The following YWHAH variants were observed in gnomAD, a reference collection of about 807,000 sequenced individuals.
YWHAH encodes tyrosine 3-monooxygenase/tryptophan 5-monooxygenase activation protein eta, also known as 14-3-3 protein eta.
Under a neutral mutation model 22.9 loss-of-function variants are expected in YWHAH, and 6 were observed. The observed-to-expected ratio is 0.26, with a 90% CI of 0.14 to 0.52. The LOEUF is 0.52. Among genes scored for constraint, YWHAH ranks in the 20% least tolerant of loss-of-function variants. The pLI, the probability that YWHAH is intolerant of heterozygous loss-of-function variation, is 0.97. For synonymous variants in YWHAH, 135 were observed against 124.5 expected (o/e 1.08, Z -0.56); for missense variants, 173 against 308.6 (o/e 0.56, Z 3.29).
At chr22:31,945,150 G>A in intron 1 of YWHAH, 1 of 1,083,506 alleles carries the variant, frequency 9.2e-7, no homozygotes, top group Non-Finnish European at 1.1e-6. Flanking sequence ...CGAAGGAGCC[G>A]CATTTCTCCT....
intron 1 of YWHAH, among the ~76,000 whole-genome samples, chr22:31,947,206 G>GGCA (rs2093836213): frequency 6.6e-6 from 1 of 152,144 alleles, no homozygotes; most frequent in Non-Finnish European, 1.5e-5. Context: ...GCTGGGGAAG[G>GGCA]GCAGGTAAGT....
At position 31,956,935 on chromosome 22, in the gene YWHAH, G is replaced by A; in HGVS notation, c.*143G>A. 9.1e-7 allele frequency: 1 copy of A among 1,104,128 alleles called. No individual in the cohort carries two copies. The highest frequency in any genetic ancestry group is 1.3e-6 in the Non-Finnish European group (1 of 796,572). The allele number at this position is 1,104,128 out of a possible 1,614,324, so 68.4% of individuals were successfully genotyped here. A position where few individuals can be genotyped will look rare whatever the true frequency, so the allele number is the denominator to read the frequency against. ...CTCAGATCTGCACTCCTGTCTCTTGGGAAGCAGTTTCAGATAAATCATGGG... is the reference window on the plus strand; with the variant it reads ...CTCAGATCTGCACTCCTGTCTCTTGAGAAGCAGTTTCAGATAAATCATGGG... On this transcript the variant is annotated 3_prime_UTR_variant, in exon 2 of 2. Transcript: ENST00000248975. The surrounding 1 kb of genome is among the most constrained non-coding windows in gnomAD (Gnocchi z 5.1).
rs1023166836 is a variant in YWHAH, at chr22:31,956,065, T to C, written c.88-74T>C. 2 of 1,497,908 alleles carry C rather than the reference T, an allele frequency of 1.3e-6. No individual in the cohort carries two copies. The highest frequency in any genetic ancestry group is 2.3e-5 in the East Asian group (1 of 44,138). The allele number at this position is 1,497,908 out of a possible 1,614,324, so 92.8% of individuals were successfully genotyped here. ...TCCGTTCTTGAGAAGGATTGTTGATTATGTTGAAGGGAAGGCTTCTTACCA... is the reference window on the plus strand; with the variant it reads ...TCCGTTCTTGAGAAGGATTGTTGATCATGTTGAAGGGAAGGCTTCTTACCA... On this transcript the variant is annotated intron_variant, in intron 1 of 1. Transcript: ENST00000248975. The surrounding 1 kb of genome is among the most constrained non-coding windows in gnomAD (Gnocchi z 5.1).
At chr22:31,948,950 C>A (rs1939840518) in intron 1 of YWHAH, among the ~76,000 whole-genome samples, 1 of 152,094 alleles carries the variant, frequency 6.6e-6, no homozygotes, top group Admixed American at 6.5e-5. Context: ...GGAACTGACT[C>A]CCTTAAAGAA....
Position 31,944,600 on chromosome 22 carries a change from A to G in YWHAH, c.-134A>G, listed in dbSNP as rs865907627. ...GCGCTGCCTGCAGCCTGCAGCCTGC[A>G]GCCTCCGGCCGGCCGGCGAGCCAGT... is the stretch of plus-strand genomic sequence containing the variant. On this transcript the variant is annotated 5_prime_UTR_variant, in exon 1 of 2. Transcript: ENST00000248975. 1.1e-5 allele frequency: 5 copies of G among 474,948 alleles called. No individual in the cohort carries two copies. The highest frequency in any genetic ancestry group is 5.7e-5 in the Admixed American group (1 of 17,664). The allele number at this position is 474,948 out of a possible 1,614,324, so 29.4% of individuals were successfully genotyped here. A position where few individuals can be genotyped will look rare whatever the true frequency, so the allele number is the denominator to read the frequency against.
intron 1 of YWHAH, among the ~76,000 whole-genome samples, chr22:31,948,838 G>A (rs2093838729): frequency 1.3e-5 from 2 of 152,200 alleles, no homozygotes; most frequent in South Asian, 4.1e-4. Context: ...GTCCTTTCAG[G>A]TGGGCAAACA....
At chr22:31,944,855 G>T (rs1401649286) in intron 1 of YWHAH, 35 bp downstream of exon 1, 2 of 1,325,052 alleles carry the variant, frequency 1.5e-6, no homozygotes, top group Non-Finnish European at 1.9e-6. Context: ...GCTGGCCGGG[G>T]GGGGCCTGGC....
chr22:31,945,694 C>G, intron 1 of YWHAH: 1 of 1,243,634 alleles, frequency 8.0e-7, no homozygotes, highest in South Asian at 1.4e-5. Flanking sequence ...TGAATATTTC[C>G]TCTCCCTGCG....
chr22:31,944,749 C>G lies in YWHAH; in HGVS notation c.16C>G (p.Gln6Glu). Residue 6 changes from glutamine (Q) to glutamate (E), a missense_variant, in exon 1 of 2, where the codon CAG becomes GAG. Coordinates refer to ENST00000248975, the MANE Select transcript of YWHAH (RefSeq NM_003405.4). ...CGCGAGCGACATGGGGGACCGGGAG[C>G]AGCTGCTGCAGCGGGCGCGGCTGGC... The part of the protein sequence containing the change: MGDRE[Q>E]LLQRARLAEQ... 7.1e-7 allele frequency: 1 copy of G among 1,415,402 alleles called. No individual in the cohort carries two copies. Among genetic ancestry groups the G allele is most frequent in the Non-Finnish European group, 9.3e-7 (1 of 1,078,238 alleles). The allele number at this position is 1,415,402 out of a possible 1,614,324, so 87.7% of individuals were successfully genotyped here.
In YWHAH at chr22:31,956,350, T is replaced by C. The variant is rs1196036662; in HGVS notation, c.299T>C (p.Val100Ala). ...EKELETVCND[V>A]LSLLDKFLIK... is the part of the protein sequence containing the mutation. ...GAGCTGGAGACAGTTTGCAATGATG[T>C]CCTGTCTCTGCTTGACAAGTTCCTG... is the stretch of plus-strand genomic sequence containing the variant. The change falls in exon 2 of 2, where the codon GTC becomes GCC. Residue 100 changes from valine (V) to alanine (A), a missense_variant. Physicochemically the swap from Val to Ala is moderately conservative, Grantham distance 64 (BLOSUM62 0). Transcript: ENST00000248975. The surrounding 1 kb of genome is among the most constrained non-coding windows in gnomAD (Gnocchi z 5.1). The C allele has an allele frequency of 1.4e-5, 23 of 1,614,148 alleles. No individual in the cohort carries two copies. Among genetic ancestry groups the C allele is most frequent in the Non-Finnish European group, 1.9e-5 (23 of 1,180,028 alleles).
intron 1 of YWHAH, among the ~76,000 whole-genome samples, chr22:31,950,765 A>T (rs1024057975): frequency 2.6e-5 from 4 of 152,116 alleles, no homozygotes; most frequent in Admixed American, 2.0e-4. Context: ...CTGGCTGGTG[A>T]TGTTCTTGCC....
At chr22:31,956,000 G>A in intron 1 of YWHAH, 139 bp from the exon 2 acceptor site, 2 of 905,722 alleles carry the variant, frequency 2.2e-6, no homozygotes, top group Non-Finnish European at 1.7e-6. Context: ...TTTATCCATG[G>A]GTGGTTTTTA....
At chr22:31,944,865 CGTTGGGGAGGGACGGGG>C in intron 1 of YWHAH, 45 bp downstream of exon 1, 2 of 1,295,774 alleles carry the variant, frequency 1.5e-6, no homozygotes, top group Non-Finnish European at 2.0e-6. Flanking sequence ...GGGGGCCTGG[CGTTGGGGAGGGACGGGG>C]ATGGCCGCGG....
At chr22:31,945,551 C>T (rs912548410) in intron 1 of YWHAH, 4 of 1,304,018 alleles carry the variant, frequency 3.1e-6, no homozygotes, top group Non-Finnish European at 4.0e-6. Flanking sequence ...TAAATCGATT[C>T]TGCAGCTTCT....
chr22:31,950,521 G>A, intron 1 of YWHAH: 2 of 638,494 alleles, frequency 3.1e-6, no homozygotes, highest in South Asian at 3.8e-5. Context: ...ATGCCATTCA[G>A]ATGGTGTTGT....
intron 1 of YWHAH, chr22:31,945,575 C>T (rs757999326): frequency 7.7e-7 from 1 of 1,303,912 alleles, no homozygotes; most frequent in Non-Finnish European, 1.0e-6. Flanking sequence ...GTGGATGAGT[C>T]GTGCCCAGCC....
At position 31,944,653 on chromosome 22, in the gene YWHAH, C is replaced by G. The variant is rs2093830427; in HGVS notation, c.-81C>G. The G allele has an allele frequency of 2.7e-6, 3 of 1,111,222 alleles. No individual in the cohort carries two copies. The highest frequency in any genetic ancestry group is 1.6e-5 in the African/African-American group (1 of 60,706). 68.8% of individuals were successfully genotyped at this position (1,111,222 alleles called of 1,614,324 possible). A position where few individuals can be genotyped will look rare whatever the true frequency, so the allele number is the denominator to read the frequency against. ...GCGTGCGCGGCGGCGGCCTCCGCAGCGACCGGGGAGCGGACTGACCGGCGG... is the reference window on the plus strand; with the variant it reads ...GCGTGCGCGGCGGCGGCCTCCGCAGGGACCGGGGAGCGGACTGACCGGCGG... On this transcript the variant is annotated 5_prime_UTR_variant, in exon 1 of 2. Transcript: ENST00000248975.
chr22:31,953,619 G>T (rs1227300675), intron 1 of YWHAH, among the ~76,000 whole-genome samples: 4 of 152,192 alleles, frequency 2.6e-5, no homozygotes, highest in Non-Finnish European at 4.4e-5. Flanking sequence ...TGGGGTTATA[G>T]GTGTTCAGCT....
chr22:31,951,518 C>T (rs780522760), intron 1 of YWHAH, among the ~76,000 whole-genome samples: 8 of 152,072 alleles, frequency 5.3e-5, no homozygotes, highest in Non-Finnish European at 1.2e-4. Context: ...TTGGATGTTT[C>T]CCAGATTGAG....
Sources: gnomAD v4.1 joint callset for allele counts (sites outside exome capture counted in the v4.1 genomes callset) on GRCh38, gnomAD v4.1.1 for gene constraint, Gnocchi (gnomAD v3.1) non-coding constraint, MANE v1.5 for transcripts, NCBI Gene and HGNC (gene_info 2026-07-23, HGNC 2026-07-21) for gene names.